GPC6: variants seen among roughly 807,000 people sequenced by gnomAD.
The protein encoded by GPC6 is glypican 6.
Under a neutral mutation model 55.2 loss-of-function variants are expected in GPC6, and 14 were observed. The ratio of observed to expected loss-of-function variants is 0.25; its 90% CI spans 0.17 to 0.40. GPC6 has a LOEUF of 0.40. GPC6 is among the 10% of genes least tolerant of loss of function. GPC6 has a pLI of 1.00. For missense variants in GPC6, 641 were observed against 708.5 expected, an observed-to-expected ratio of 0.90 and a Z score of 1.08; for synonymous variants, 278 against 259.6, an observed-to-expected ratio of 1.07 and a Z score of -0.68.
intron 2 of GPC6, among the ~76,000 whole-genome samples, chr13:93,602,741 A>G (rs9589790): frequency 0.1 from 15,605 of 152,228 alleles, 2,634 homozygotes; most frequent in African/African-American, 0.35. Context: ...TTTTAAAAAC[A>G]CTATTTAAAT....
Position 93,798,173 on chromosome 13 carries a change from T to C in GPC6, c.320-31981T>C, listed in dbSNP as rs967831472. 3.9e-5 allele frequency among the ~76,000 whole-genome samples: 6 copies of C among 152,264 alleles called. No homozygotes were observed. In the East Asian group the frequency reaches 1.2e-3, roughly 29 times the overall value. ...GTGTGACTACCTAAGTCACATAATG[T>C]CACATCTCTGCTCCAGGTATTATGG... On this transcript the variant is annotated intron_variant, in intron 2 of 8. Transcript: ENST00000377047.
At chr13:93,422,274 G>A (rs1876950557) in intron 1 of GPC6, among the ~76,000 whole-genome samples, 1 of 152,162 alleles carries the variant, frequency 6.6e-6, no homozygotes, top group Non-Finnish European at 1.5e-5. Flanking sequence ...CATTACTTGA[G>A]ATTTTTCATT....
rs1888256780 is a variant in GPC6 at position 94,163,870 on chromosome 13, C to A, written c.878-122479C>A. ...ATCTTAATTTTCTTAAAACTAGAGG[C>A]AGGACTTAGGACAATCAGATACAGT... On this transcript the variant is annotated intron_variant, in intron 4 of 8. Coordinates refer to ENST00000377047, the MANE Select transcript of GPC6 (RefSeq NM_005708.5). Among the ~76,000 whole-genome samples the A allele has an allele frequency of 4.6e-5, 7 of 152,178 alleles. No individual in the cohort carries two copies. In the South Asian group the frequency reaches 1.5e-3, roughly 32 times the overall value.
intron 5 of GPC6, among the ~76,000 whole-genome samples, chr13:94,290,706 T>C (rs1352200251): frequency 6.6e-6 from 1 of 152,188 alleles, no homozygotes; most frequent in African/African-American, 2.4e-5. Flanking sequence ...TAAAATACCT[T>C]GTTATTAACT....
At chr13:93,617,091 A>C (rs535923622) in intron 2 of GPC6, among the ~76,000 whole-genome samples, 8 of 152,260 alleles carry the variant, frequency 5.3e-5, no homozygotes, top group African/African-American at 1.9e-4. Flanking sequence ...AGGCCACACC[A>C]GAAGAGCACA....
At chr13:93,741,644 A>G (rs1884207084) in intron 2 of GPC6, among the ~76,000 whole-genome samples, 1 of 152,134 alleles carries the variant, frequency 6.6e-6, no homozygotes, top group African/African-American at 2.4e-5. Context: ...CCCTATATCT[A>G]TGTTTGCTTT....
intron 2 of GPC6, among the ~76,000 whole-genome samples, chr13:93,763,691 G>A (rs2059807665): frequency 6.6e-6 from 1 of 152,190 alleles, no homozygotes; most frequent in South Asian, 2.1e-4. Context: ...AGAAATATCT[G>A]TCAGCAGAAT....
intron 3 of GPC6, among the ~76,000 whole-genome samples, chr13:94,012,555 T>C (rs1026451785): frequency 2.6e-5 from 4 of 152,206 alleles, no homozygotes; most frequent in African/African-American, 7.2e-5. Context: ...AAACTTCATA[T>C]TTATGTTTTG....
intron 1 of GPC6, among the ~76,000 whole-genome samples, chr13:93,454,794 C>G (rs1193245437): frequency 6.6e-6 from 1 of 152,248 alleles, no homozygotes; most frequent in African/African-American, 2.4e-5. Context: ...CTGCACTCCT[C>G]GGCCCTTGAG....
intron 4 of GPC6, among the ~76,000 whole-genome samples, chr13:94,281,728 A>G (rs1892389412): frequency 1.3e-5 from 2 of 152,222 alleles, no homozygotes; most frequent in African/African-American, 4.8e-5. Flanking sequence ...TTCACTCTTC[A>G]TAAAGTCAAT....
At chr13:94,060,996 G>T (rs1884303143) in intron 4 of GPC6, among the ~76,000 whole-genome samples, 1 of 152,054 alleles carries the variant, frequency 6.6e-6, no homozygotes, top group Non-Finnish European at 1.5e-5. Flanking sequence ...ATCTGACATT[G>T]TCACATATAC....
intron 3 of GPC6, among the ~76,000 whole-genome samples, chr13:93,943,610 C>A (rs999245369): frequency 2.0e-5 from 3 of 151,906 alleles, no homozygotes; most frequent in African/African-American, 7.3e-5. Flanking sequence ...TTCTGCCTCA[C>A]AGTCTCTTTC....
At chr13:93,724,299 T>C (rs752199806) in intron 2 of GPC6, among the ~76,000 whole-genome samples, 37 of 151,982 alleles carry the variant, frequency 2.4e-4, no homozygotes, top group Non-Finnish European at 5.1e-4. Context: ...TTCTTCTTGA[T>C]TCATCATTTA....
intron 3 of GPC6, among the ~76,000 whole-genome samples, chr13:93,966,651 AT>A (rs59591951): frequency 0.14 from 16,221 of 118,284 alleles, 845 homozygotes; most frequent in East Asian, 0.24. Flanking sequence ...TGTTTCCTTC[AT>A]TTTTTTTTTT....
chr13:93,436,640 C>G (rs1292166378), intron 1 of GPC6, among the ~76,000 whole-genome samples: 1 of 151,942 alleles, frequency 6.6e-6, no homozygotes, highest in East Asian at 1.9e-4. Context: ...TTAGGGAATG[C>G]TTTTACTTAT....
chr13:93,954,827 A>G (rs1879425865), intron 3 of GPC6, among the ~76,000 whole-genome samples: 1 of 151,978 alleles, frequency 6.6e-6, no homozygotes, highest in Admixed American at 6.6e-5. Context: ...CTCCTCACTT[A>G]CCCCAGGTTT....
intron 1 of GPC6, among the ~76,000 whole-genome samples, chr13:93,342,478 A>G (rs113893052): frequency 0.017 from 2,549 of 152,164 alleles, 77 homozygotes; most frequent in African/African-American, 0.058. Context: ...CTTACTCACT[A>G]TCATGAGAAC....
Position 93,866,409 on chromosome 13 carries a change from AGTAATGGGC to A in GPC6, c.711+35868_711+35876del, listed in dbSNP as rs528772407. On this transcript the variant is annotated intron_variant, in intron 3 of 8. Coordinates refer to ENST00000377047, the MANE Select transcript of GPC6 (RefSeq NM_005708.5). ...TTTATATTCCTTTTAGTATATACCC[AGTAATGGGC>A]GTATGTTCACCACAACGCCGTTCGC... is the stretch of plus-strand genomic sequence containing the variant. Among the ~76,000 whole-genome samples, 381 of 151,864 alleles carry A rather than the reference AGTAATGGGC, an allele frequency of 2.5e-3. 2 individuals are homozygous for A. The highest frequency in any genetic ancestry group is 4.6e-3 in the Non-Finnish European group (314 of 67,784).
intron 2 of GPC6, among the ~76,000 whole-genome samples, chr13:93,685,246 A>G (rs899568089): frequency 6.6e-6 from 1 of 152,192 alleles, no homozygotes; most frequent in South Asian, 2.1e-4. Context: ...GAGAGCCAGG[A>G]AGCTTTGGCT....
Sources: allele counts gnomAD v4.1 joint callset (sites outside exome capture counted in the v4.1 genomes callset), GRCh38; gene constraint gnomAD v4.1.1; transcripts MANE v1.5; gene names NCBI Gene and HGNC (gene_info 2026-07-23, HGNC 2026-07-21).